TEX26: variants seen among roughly 807,000 people sequenced by gnomAD.
TEX26 encodes the protein testis expressed 26.
TEX26 carries 34 observed loss-of-function variants against 35.3 expected under a neutral mutation model. The ratio of observed to expected loss-of-function variants is 0.96; its 90% CI spans 0.73 to 1.28. The LOEUF (loss-of-function observed/expected upper bound fraction) is 1.28, where lower values mean the gene tolerates loss of function less well. Among genes scored for constraint, TEX26 ranks in the 50% most tolerant of loss-of-function variants. The probability of loss-of-function intolerance (pLI) is 0.00; values close to 1 mark genes in which losing one functional copy is unlikely to be tolerated. For missense variants in TEX26, 371 were observed against 330.1 expected (o/e 1.12, Z -0.96); for synonymous variants, 136 against 111.8 (o/e 1.22, Z -1.36).
intron 2 of TEX26, among the ~76,000 whole-genome samples, chr13:30,942,285 AT>A (rs1221154792): frequency 6.6e-6 from 1 of 151,898 alleles, no homozygotes; most frequent in African/African-American, 2.4e-5. Flanking sequence ...AATGTTGAGC[AT>A]TGTTTTTCAT....
chr13:30,950,298 C>T (rs9577135), intron 2 of TEX26, among the ~76,000 whole-genome samples: 28,006 of 151,842 alleles, frequency 0.18, 3,268 homozygotes, highest in East Asian at 0.38. Context: ...CCCAGCTACT[C>T]GGGAGGCTGA....
chr13:30,960,506 A>G (rs879344812), intron 4 of TEX26, among the ~76,000 whole-genome samples: 2 of 152,068 alleles, frequency 1.3e-5, no homozygotes, highest in African/African-American at 4.8e-5. Flanking sequence ...CAGCCTCCCA[A>G]AGTGCTAGGA....
At chr13:30,974,156 A>ATATATATATATATATATATATATATATAT (rs1566172295) in intron 6 of TEX26, among the ~76,000 whole-genome samples, 1 of 142,296 alleles carries the variant, frequency 7.0e-6, no homozygotes, top group Non-Finnish European at 1.5e-5. Context: ...ATATATATAT[A>ATATATATATATATATATATATATATATAT]ATTAGGAGTA....
In TEX26 at chr13:30,956,985, A is replaced by G. The variant is rs547336150; in HGVS notation, c.425A>G (p.Gln142Arg). Residue 142 changes from glutamine to arginine, a missense_variant, in exon 4 of 7, where the codon CAG becomes CGG. Coordinates refer to ENST00000380473, the MANE Select transcript of TEX26 (RefSeq NM_152325.3). ...MKEVNKALSN[Q>R]FISLTKRDFV... ...GAAGTTAACAAGGCACTATCAAATC[A>G]GTTTATTTCCCTTACTAAGAGAGAC... The G allele has an allele frequency of 3.1e-6, 5 of 1,614,236 alleles. No homozygotes were observed. Among genetic ancestry groups the G allele is most frequent in the Non-Finnish European group, 3.4e-6 (4 of 1,180,048 alleles).
chr13:30,948,980 C>T (rs2138228456), intron 2 of TEX26, among the ~76,000 whole-genome samples: 1 of 152,262 alleles, frequency 6.6e-6, no homozygotes, highest in South Asian at 2.1e-4. Flanking sequence ...TTTCCCAGCA[C>T]CATTTATTAA....
chr13:30,946,105 C>T (rs930403050), intron 2 of TEX26, among the ~76,000 whole-genome samples: 2 of 151,776 alleles, frequency 1.3e-5, no homozygotes, highest in African/African-American at 4.8e-5. Context: ...TTAGATTTGG[C>T]CATTCTACAT....
chr13:30,962,807 GTTGTT>G (rs757255474), intron 4 of TEX26, among the ~76,000 whole-genome samples: 14 of 145,058 alleles, frequency 9.7e-5, no homozygotes, highest in Admixed American at 2.1e-4. Context: ...GTCCTAATGG[GTTGTT>G]TTTTGTTTTT....
chr13:30,974,131 A>AAAAAATAT lies in TEX26; in HGVS notation c.809-714_809-713insAAAATATA. ...GTGAGCCTCCATCTAAAAAAAAAAA[A>AAAAAATAT]ATATATATATATATATATATATATA... On this transcript the variant is annotated intron_variant, in intron 6 of 6. Coordinates refer to ENST00000380473, the MANE Select transcript of TEX26 (RefSeq NM_152325.3). 7.0e-3 allele frequency among the ~76,000 whole-genome samples: 588 copies of AAAAAATAT among 84,398 alleles called. 10 individuals are homozygous for AAAAAATAT. Among genetic ancestry groups the AAAAAATAT allele is most frequent in the Non-Finnish European group, 8.9e-3 (398 of 44,700 alleles). 55.4% of individuals were successfully genotyped at this position (84,398 alleles called of 152,430 possible). A position where few individuals can be genotyped will look rare whatever the true frequency, so the allele number is the denominator to read the frequency against.
Position 30,974,131 on chromosome 13 carries a change from A to AAATATATAT in TEX26, c.809-714_809-713insATATATATA. ...GTGAGCCTCCATCTAAAAAAAAAAA[A>AAATATATAT]ATATATATATATATATATATATATA... On this transcript the variant is annotated intron_variant, in intron 6 of 6. Coordinates refer to ENST00000380473, the MANE Select transcript of TEX26 (RefSeq NM_152325.3). 3.3e-3 allele frequency among the ~76,000 whole-genome samples: 276 copies of AAATATATAT among 84,394 alleles called. 1 individual carries two copies. The highest frequency in any genetic ancestry group is 8.8e-3 in the Middle Eastern group (1 of 114). 55.4% of individuals were successfully genotyped at this position (84,394 alleles called of 152,430 possible).
Position 30,945,750 on chromosome 13 carries a change from G to A in TEX26, c.146+5972G>A, listed in dbSNP as rs114052865. Among the ~76,000 whole-genome samples, 1,393 of 151,920 alleles carry A rather than the reference G, an allele frequency of 9.2e-3. 21 individuals are homozygous for A. Among genetic ancestry groups the A allele is most frequent in the African/African-American group, 0.03 (1,261 of 41,474 alleles). On this transcript the variant is annotated intron_variant, in intron 2 of 6. Coordinates refer to ENST00000380473, the MANE Select transcript of TEX26 (RefSeq NM_152325.3). ...GGTTGAGAGTTATTCCCTTTAAGGC[G>A]GCTAAAGATAGGACCCCAATCCCTT...
chr13:30,968,816 C>T (rs1200714392), intron 5 of TEX26, 69 bp from the exon 6 acceptor site: 15 of 1,490,384 alleles, frequency 1.0e-5, no homozygotes, highest in African/African-American at 1.4e-5. Context: ...CATTTTCAAA[C>T]AATAAGGGCA....
intron 5 of TEX26, among the ~76,000 whole-genome samples, chr13:30,968,056 G>T (rs1262352958): frequency 6.6e-6 from 1 of 152,148 alleles, no homozygotes; most frequent in East Asian, 1.9e-4. Context: ...GTGGCCAAGG[G>T]CAAACTTCCT....
chr13:30,971,962 A>G (rs546711769), intron 6 of TEX26, among the ~76,000 whole-genome samples: 2 of 152,262 alleles, frequency 1.3e-5, no homozygotes, highest in Non-Finnish European at 2.9e-5. Flanking sequence ...CCTGTGATTC[A>G]ATATTAAGAA....
rs768245821 is a variant in TEX26 at position 30,932,796 on chromosome 13, C to G, written c.61+20C>G. 4 of 1,612,258 alleles carry G rather than the reference C, an allele frequency of 2.5e-6. No individual in the cohort carries two copies. Among genetic ancestry groups the G allele is most frequent in the East Asian group, 4.5e-5 (2 of 44,820 alleles). ...AGCCAAGTAAGACAGCAGACTCTGC[C>G]GGTCTGCGGGGCGGGGCTGGGGTCT... On this transcript the variant is annotated intron_variant, in intron 1 of 6. Transcript: ENST00000380473.
At chr13:30,939,881 G>A (rs1002547539) in intron 2 of TEX26, 103 bp downstream of exon 2, 25 of 1,055,346 alleles carry the variant, frequency 2.4e-5, no homozygotes, top group African/African-American at 4.7e-5. Flanking sequence ...GAGAAGCTTC[G>A]TAAAAATGCT....
chr13:30,941,297 C>G (rs1236722385), intron 2 of TEX26, among the ~76,000 whole-genome samples: 1 of 152,116 alleles, frequency 6.6e-6, no homozygotes, highest in African/African-American at 2.4e-5. Flanking sequence ...ACTAGCTATC[C>G]CAGTGAGTCC....
At position 30,966,300 on chromosome 13, in the gene TEX26, G is replaced by C. The variant is rs201693674; in HGVS notation, c.548G>C (p.Arg183Pro). Reference sequence around the variant, plus strand: ...CCCCAACCTCCAGACACTGAATTCCGAAGGAATTACCAAATTCCAGCTAAA... The same window carrying C: ...CCCCAACCTCCAGACACTGAATTCCCAAGGAATTACCAAATTCCAGCTAAA... Reference protein sequence around the residue: ...LLPQPPDTEFRRNYQIPAKIP... With the variant: ...LLPQPPDTEFPRNYQIPAKIP... Residue 183 changes from arginine (R) to proline (P), a missense_variant, in exon 5 of 7, where the codon CGA (arginine) becomes CCA (proline). Arg to Pro is a moderately radical substitution (Grantham distance 103). Transcript: ENST00000380473. 1.9e-6 allele frequency: 3 copies of C among 1,613,974 alleles called. No individual in the cohort carries two copies. The highest frequency in any genetic ancestry group is 1.7e-6 in the Non-Finnish European group (2 of 1,179,966).
chr13:30,966,389 C>A lies in TEX26; in HGVS notation c.637C>A (p.Gln213Lys). The change falls in exon 5 of 7, where the codon CAG (glutamine) becomes AAG (lysine). Residue 213 changes from glutamine (Q) to lysine (K), a missense_variant. By Grantham distance (53) the Gln-to-Lys change is moderately conservative. Transcript: ENST00000380473. ...CTACTCAAGCTTGCCTGTTGCTTCT[C>A]AGGGTCTAGGTGAGTACAGCTGCAG... Reference protein sequence around the residue: ...GCYSSLPVASQGLVPSVLHSY... With the variant: ...GCYSSLPVASKGLVPSVLHSY... 1 of 1,607,414 alleles carries A rather than the reference C, an allele frequency of 6.2e-7. No homozygotes were observed. Among genetic ancestry groups the A allele is most frequent in the South Asian group, 1.1e-5 (1 of 90,922 alleles).
intron 6 of TEX26, among the ~76,000 whole-genome samples, chr13:30,970,732 G>A (rs74046410): frequency 8.9e-4 from 135 of 152,234 alleles, no homozygotes; most frequent in African/African-American, 1.9e-3. Context: ...TGCAGGCACC[G>A]CTGTCTCTTA....
Sources: gnomAD v4.1 joint callset for allele counts (sites outside exome capture counted in the v4.1 genomes callset) on GRCh38, gnomAD v4.1.1 for gene constraint, MANE v1.5 for transcripts, NCBI Gene and HGNC (gene_info 2026-07-23, HGNC 2026-07-21) for gene names.